TAOK3: variants seen among roughly 807,000 people sequenced by gnomAD.
The protein encoded by TAOK3 is serine/threonine-protein kinase TAO3.
Under a neutral mutation model 120.4 loss-of-function variants are expected in TAOK3, and 40 were observed. The ratio of observed to expected loss-of-function variants is 0.33; its 90% confidence interval spans 0.26 to 0.43. The LOEUF (loss-of-function observed/expected upper bound fraction) is 0.43. TAOK3 is among the 20% of genes least tolerant of loss of function. The probability of loss-of-function intolerance (pLI) is 1.00; values close to 1 mark genes in which losing one functional copy is unlikely to be tolerated. For synonymous variants in TAOK3, 355 were observed against 387.5 expected (o/e 0.92, Z 0.99); for missense variants, 821 against 1,112.1 (o/e 0.74, Z 3.72).
At chr12:118,353,544 C>G (rs773065170) in intron 1 of TAOK3, among the ~76,000 whole-genome samples, 9 of 152,006 alleles carry the variant, frequency 5.9e-5, no homozygotes, top group Non-Finnish European at 1.0e-4. Context: ...ACCACTGAAG[C>G]TCTCTGAAAA....
chr12:118,363,157 G>A (rs978028435), intron 1 of TAOK3, among the ~76,000 whole-genome samples: 3 of 151,176 alleles, frequency 2.0e-5, no homozygotes, highest in African/African-American at 7.3e-5. Flanking sequence ...CCACTTTAGA[G>A]AATATTATCA....
In TAOK3 at chr12:118,318,090, C is replaced by T. The variant is rs145573332; in HGVS notation, c.-193-51331G>A. Among the ~76,000 whole-genome samples the T allele has an allele frequency of 8.6e-3, 1,300 of 151,582 alleles. 10 individuals carry two copies. The highest frequency in any genetic ancestry group is 0.029 in the African/African-American group (1,196 of 41,292). On this transcript the variant is annotated intron_variant, in intron 1 of 20. Transcript: ENST00000392533. ...CCAAAAAAATGAAGTTGGGCCCTTA[C>T]TTTATACTATATACAAACAATAACT...
At chr12:118,247,510 C>T (rs146487772) in intron 3 of TAOK3, among the ~76,000 whole-genome samples, 59 of 151,866 alleles carry the variant, frequency 3.9e-4, no homozygotes, top group African/African-American at 1.3e-3. Context: ...CACATACATA[C>T]GTACATACTT....
chr12:118,223,670 G>A (rs897345324), intron 9 of TAOK3, among the ~76,000 whole-genome samples: 1 of 143,874 alleles, frequency 7.0e-6, no homozygotes, highest in African/African-American at 2.6e-5. Flanking sequence ...TTGAGACAGA[G>A]TCTCTCTTTG....
At chr12:118,240,534 CG>C (rs974216522) in intron 5 of TAOK3, among the ~76,000 whole-genome samples, 51 of 151,374 alleles carry the variant, frequency 3.4e-4, no homozygotes, top group African/African-American at 1.2e-3. Flanking sequence ...TTAGTAGGGA[CG>C]GGGTTTCACC....
At chr12:118,203,876 A>C (rs1402650133) in intron 11 of TAOK3, among the ~76,000 whole-genome samples, 3 of 152,112 alleles carry the variant, frequency 2.0e-5, no homozygotes, top group Admixed American at 2.0e-4. Flanking sequence ...TAATAATAAA[A>C]CAGGTTTGTG....
intron 3 of TAOK3, chr12:118,245,950 T>C (rs929567986): frequency 4.9e-5 from 27 of 550,176 alleles, no homozygotes; most frequent in Admixed American, 1.5e-4. Context: ...CAATGCAATA[T>C]GAAAAGATGT....
intron 15 of TAOK3, among the ~76,000 whole-genome samples, chr12:118,180,574 T>C (rs1179164553): frequency 6.6e-6 from 1 of 152,112 alleles, no homozygotes; most frequent in Non-Finnish European, 1.5e-5. Context: ...AGAACGTGGA[T>C]GGGGACGAGA....
chr12:118,357,980 A>G (rs895367608), intron 1 of TAOK3, among the ~76,000 whole-genome samples: 1 of 152,202 alleles, frequency 6.6e-6, no homozygotes, highest in Admixed American at 6.5e-5. Flanking sequence ...GCATAATTAT[A>G]AGACTTAATT....
At chr12:118,339,843 C>G (rs2044540903) in intron 1 of TAOK3, among the ~76,000 whole-genome samples, 1 of 152,026 alleles carries the variant, frequency 6.6e-6, no homozygotes, top group Non-Finnish European at 1.5e-5. Flanking sequence ...TTTAGTTGCT[C>G]TTTTCTATAG....
intron 1 of TAOK3, among the ~76,000 whole-genome samples, chr12:118,274,051 C>T (rs1021574143): frequency 3.3e-5 from 5 of 151,870 alleles, no homozygotes; most frequent in African/African-American, 1.2e-4. Flanking sequence ...TAGGACTAGT[C>T]GAGTATTTGG....
chr12:118,151,008 C>G lies in TAOK3; in HGVS notation c.2686G>C (p.Asp896His). 1.3e-6 allele frequency: 2 copies of G among 1,577,350 alleles called. No homozygotes were observed. The highest frequency in any genetic ancestry group is 1.7e-6 in the Non-Finnish European group (2 of 1,165,268). ...NLVTLDFPKE[D>H]YR Reference sequence around the variant, plus strand: ...CAAAAAATTTAATCTCATCTGTAGTCCTCCTTAGGAAAATCTAATGTAACC... The same window carrying G: ...CAAAAAATTTAATCTCATCTGTAGTGCTCCTTAGGAAAATCTAATGTAACC... The change falls in exon 21 of 21, where the codon GAC becomes CAC. Residue 896 changes from aspartate to histidine, a missense_variant. Asp to His is a moderately conservative substitution (Grantham distance 81, BLOSUM62 -1). Coordinates refer to ENST00000392533, the MANE Select transcript of TAOK3 (RefSeq NM_016281.4).
At chr12:118,182,476 C>T (rs2036795649) in intron 14 of TAOK3, among the ~76,000 whole-genome samples, 1 of 151,514 alleles carries the variant, frequency 6.6e-6, no homozygotes, top group African/African-American at 2.4e-5. Context: ...GCAGTAGCAC[C>T]TCCCACCACA....
intron 1 of TAOK3, among the ~76,000 whole-genome samples, chr12:118,283,248 T>C (rs1037415017): frequency 6.6e-6 from 1 of 152,234 alleles, no homozygotes; most frequent in Non-Finnish European, 1.5e-5. Flanking sequence ...CTGAAAGATA[T>C]ATAACACATA....
At chr12:118,287,411 C>A (rs902686858) in intron 1 of TAOK3, among the ~76,000 whole-genome samples, 4 of 152,028 alleles carry the variant, frequency 2.6e-5, no homozygotes, top group Admixed American at 2.6e-4. Context: ...CACCACCATG[C>A]CTGGCTAATT....
chr12:118,206,130 T>C (rs1051922060), intron 11 of TAOK3, among the ~76,000 whole-genome samples: 2 of 152,214 alleles, frequency 1.3e-5, no homozygotes, highest in African/African-American at 4.8e-5. Flanking sequence ...TCTCTCCTTC[T>C]TCCTGCCTGG....
At chr12:118,331,289 G>T (rs1208101876) in intron 1 of TAOK3, among the ~76,000 whole-genome samples, 1 of 152,122 alleles carries the variant, frequency 6.6e-6, no homozygotes, top group East Asian at 1.9e-4. Flanking sequence ...TAAGGAGCCA[G>T]GTTCTGCCCC....
chr12:118,361,410 A>G (rs937248169), intron 1 of TAOK3, among the ~76,000 whole-genome samples: 1 of 152,168 alleles, frequency 6.6e-6, no homozygotes, highest in Non-Finnish European at 1.5e-5. Flanking sequence ...TAGAATTTGC[A>G]GATGAATACT....
chr12:118,217,142 C>A (rs919135843), intron 9 of TAOK3, among the ~76,000 whole-genome samples: 1 of 151,988 alleles, frequency 6.6e-6, no homozygotes, highest in African/African-American at 2.4e-5. Context: ...TTATTCTATG[C>A]AGTTCAAAAA....
Sources: allele counts gnomAD v4.1 joint callset (sites outside exome capture counted in the v4.1 genomes callset), GRCh38; gene constraint gnomAD v4.1.1; transcripts MANE v1.5; gene names NCBI Gene and HGNC (gene_info 2026-07-23, HGNC 2026-07-21).